Variants in LGSN observed in about 807,000 individuals in gnomAD.
LGSN encodes lengsin, lens protein with glutamine synthetase domain.
A neutral mutation model predicts 19.5 loss-of-function variants in LGSN; 21 were observed. The ratio of observed to expected loss-of-function variants is 1.07; its 90% CI spans 0.76 to 1.55. The LOEUF is 1.55. LGSN is among the 40% of genes most tolerant of loss of function. The probability of loss-of-function intolerance (pLI) is 0.00; values close to 1 mark genes in which losing one functional copy is unlikely to be tolerated. For missense variants in LGSN, 673 were observed against 608.5 expected, an observed-to-expected ratio of 1.11 and a Z score of -1.12; for synonymous variants, 257 against 215.6, an observed-to-expected ratio of 1.19 and a Z score of -1.68.
intron 1 of LGSN, among the ~76,000 whole-genome samples, chr6:63,314,828 G>A (rs1398677632): frequency 6.6e-6 from 1 of 152,070 alleles, no homozygotes; most frequent in Non-Finnish European, 1.5e-5. Context: ...AAAATATCAA[G>A]GGCCCAGAAA....
At chr6:63,446,167 T>C in the LGSN span, among the ~76,000 whole-genome samples, 2 of 149,620 alleles carry the variant, frequency 1.3e-5, no homozygotes, top group Non-Finnish European at 2.9e-5. Context: ...GGAGAATCAT[T>C]TGAACCTGGG....
chr6:63,282,784 G>T (rs1343210756), intron 3 of LGSN, among the ~76,000 whole-genome samples: 1 of 151,980 alleles, frequency 6.6e-6, no homozygotes, highest in Admixed American at 6.6e-5. Flanking sequence ...ACCTGTACAT[G>T]TAAACTTTAT....
chr6:63,320,300 C>G (rs1769040137), upstream of LGSN, among the ~76,000 whole-genome samples: 1 of 152,130 alleles, frequency 6.6e-6, no homozygotes, highest in African/African-American at 2.4e-5. Flanking sequence ...TTGTCAGATT[C>G]AGATGATGAA....
the LGSN span, among the ~76,000 whole-genome samples, chr6:63,391,105 A>G: frequency 6.6e-6 from 1 of 152,232 alleles, no homozygotes; most frequent in Non-Finnish European, 1.5e-5. Context: ...TAGAATATGT[A>G]CACAGGTAAG....
the LGSN span, among the ~76,000 whole-genome samples, chr6:63,346,025 T>C: frequency 6.6e-6 from 1 of 152,198 alleles, no homozygotes; most frequent in African/African-American, 2.4e-5. Flanking sequence ...AGTATACTTT[T>C]GTGATATTGT....
chr6:63,454,939 C>A, the LGSN span, among the ~76,000 whole-genome samples: 1 of 151,554 alleles, frequency 6.6e-6, no homozygotes, highest in Non-Finnish European at 1.5e-5. Context: ...ATTACAGGCA[C>A]CTGCCACCAC....
At chr6:63,529,852 T>C in the LGSN span, among the ~76,000 whole-genome samples, 1 of 152,170 alleles carries the variant, frequency 6.6e-6, no homozygotes, top group African/African-American at 2.4e-5. Context: ...ATCAGAGAAC[T>C]AAAAATTATC....
upstream of LGSN, among the ~76,000 whole-genome samples, chr6:63,320,399 T>G (rs1769042621): frequency 6.6e-6 from 1 of 152,228 alleles, no homozygotes; most frequent in Non-Finnish European, 1.5e-5. Flanking sequence ...TTTTTACCAA[T>G]GGCAAAGATC....
At chr6:63,405,110 C>T in the LGSN span, among the ~76,000 whole-genome samples, 1 of 151,832 alleles carries the variant, frequency 6.6e-6, no homozygotes, top group Non-Finnish European at 1.5e-5. Context: ...CCAATTTCAT[C>T]CATGTCCCTA....
At chr6:63,429,430 A>G in the LGSN span, among the ~76,000 whole-genome samples, 8 of 152,204 alleles carry the variant, frequency 5.3e-5, no homozygotes, top group Middle Eastern at 6.8e-3. Flanking sequence ...AGACTCAAAC[A>G]TTTCTTAAAA....
chr6:63,350,707 C>T, the LGSN span, among the ~76,000 whole-genome samples: 1 of 152,082 alleles, frequency 6.6e-6, no homozygotes, highest in Non-Finnish European at 1.5e-5. Context: ...CAAAAATTAG[C>T]TGGACATGGC....
chr6:63,454,470 CTTTTTTTT>C, the LGSN span, among the ~76,000 whole-genome samples: 10 of 118,652 alleles, frequency 8.4e-5, no homozygotes, highest in Admixed American at 8.7e-4. Flanking sequence ...TTTACATTTT[CTTTTTTTT>C]TTTTTTTTTT....
At chr6:63,504,238 G>A in the LGSN span, among the ~76,000 whole-genome samples, 1 of 122,192 alleles carries the variant, frequency 8.2e-6, no homozygotes, top group Non-Finnish European at 1.6e-5. Context: ...CCTGGTTCAA[G>A]CGATTCTTTT....
At chr6:63,407,564 G>T in the LGSN span, among the ~76,000 whole-genome samples, 1 of 152,122 alleles carries the variant, frequency 6.6e-6, no homozygotes, top group African/African-American at 2.4e-5. Flanking sequence ...CAAACCCACA[G>T]CCAATATCAT....
chr6:63,550,458 A>T, the LGSN span: 1 of 152,138 alleles, frequency 6.6e-6, no homozygotes, highest in Non-Finnish European at 1.5e-5. Context: ...TCTTCAGACG[A>T]CTCTACCTGA....
At chr6:63,482,133 C>T in the LGSN span, among the ~76,000 whole-genome samples, 1 of 152,098 alleles carries the variant, frequency 6.6e-6, no homozygotes, top group Non-Finnish European at 1.5e-5. Flanking sequence ...CCTATTTACA[C>T]TTGACATATT....
At chr6:63,509,972 T>C in the LGSN span, among the ~76,000 whole-genome samples, 1 of 152,222 alleles carries the variant, frequency 6.6e-6, no homozygotes, top group African/African-American at 2.4e-5. Flanking sequence ...AACATGAGTA[T>C]GTGATAATTA....
chr6:63,505,649 T>TTTTTGTTTTGTTTTGTTTCG, the LGSN span, among the ~76,000 whole-genome samples: 2 of 103,946 alleles, frequency 1.9e-5, 1 homozygote, highest in Non-Finnish European at 4.1e-5. Context: ...CTGGCATTCT[T>TTTTTGTTTTGTTTTGTTTCG]TTTTGTTTTG....
At chr6:63,467,165 G>A in the LGSN span, among the ~76,000 whole-genome samples, 3 of 151,940 alleles carry the variant, frequency 2.0e-5, no homozygotes, top group Admixed American at 6.6e-5. Context: ...GAATTTGTAC[G>A]TATCAGGAAT....
Sources: allele counts gnomAD v4.1 joint callset (sites outside exome capture counted in the v4.1 genomes callset), GRCh38; gene constraint gnomAD v4.1.1; transcripts MANE v1.5; gene names NCBI Gene and HGNC (gene_info 2026-07-23, HGNC 2026-07-21).